The following FMN1 variants were observed in gnomAD, a reference collection of about 807,000 sequenced individuals.
FMN1 encodes formin-1.
A neutral mutation model predicts 132.4 loss-of-function variants in FMN1; 110 were observed. That is an observed-to-expected ratio of 0.83 (90% CI 0.71 to 0.97). FMN1 has a LOEUF of 0.97. FMN1 is among the 50% of genes least tolerant of loss of function. The pLI is 0.00. For missense variants in FMN1, 1,792 were observed against 1,705.3 expected (o/e 1.05, Z -0.90); for synonymous variants, 722 against 651.7 (o/e 1.11, Z -1.64).
intron 2 of FMN1, among the ~76,000 whole-genome samples, chr15:33,184,611 C>T (rs1177286937): frequency 2.0e-5 from 3 of 151,398 alleles, no homozygotes; most frequent in Non-Finnish European, 4.4e-5. Context: ...TCAAGCAATT[C>T]TTGTGCCTCA....
At position 32,879,595 on chromosome 15, in the gene FMN1, C is replaced by T. The variant is rs1394842863; in HGVS notation, c.3835+8577G>A. On this transcript the variant is annotated intron_variant, in intron 16 of 20. Transcript: ENST00000616417. ...CCTCACACCTCCTGAGGTACTTCCT[C>T]AGGCATCGCCTCATCTGACCCTTTC... Among the ~76,000 whole-genome samples, 11 of 152,172 alleles carry T rather than the reference C, an allele frequency of 7.2e-5. 1 individual carries two copies. The highest frequency in any genetic ancestry group is 7.2e-4 in the Admixed American group (11 of 15,276).
chr15:33,007,900 G>GAT (rs1281862321), intron 7 of FMN1, 114 bp downstream of exon 7: 3 of 793,486 alleles, frequency 3.8e-6, no homozygotes, highest in Non-Finnish European at 6.0e-6. Flanking sequence ...GCAGCTGCAA[G>GAT]ATGCGATGCT....
intron 17 of FMN1, among the ~76,000 whole-genome samples, chr15:32,821,799 C>T (rs1283763471): frequency 6.6e-6 from 1 of 152,044 alleles, no homozygotes; most frequent in African/African-American, 2.4e-5. Flanking sequence ...AGGTTATCTA[C>T]AGCTTATTAT....
chr15:32,922,841 G>T (rs1022250356), intron 10 of FMN1, among the ~76,000 whole-genome samples: 1 of 152,160 alleles, frequency 6.6e-6, no homozygotes, highest in Non-Finnish European at 1.5e-5. Context: ...ACCTGTTTAT[G>T]CCTGTTTCTT....
chr15:33,017,426 C>CTG (rs111345051), intron 6 of FMN1, among the ~76,000 whole-genome samples: 91,802 of 151,724 alleles, frequency 0.61, 28,184 homozygotes, highest in Admixed American at 0.66. Context: ...AGAGGGAACT[C>CTG]TACTTTCCGC....
At chr15:33,026,744 G>C (rs892829772) in intron 6 of FMN1, among the ~76,000 whole-genome samples, 9 of 151,958 alleles carry the variant, frequency 5.9e-5, no homozygotes, top group African/African-American at 2.2e-4. Flanking sequence ...TCTCTTAAGA[G>C]GCAGGTGAAA....
intron 17 of FMN1, among the ~76,000 whole-genome samples, chr15:32,833,483 T>C (rs2058550868): frequency 6.6e-6 from 1 of 152,088 alleles, no homozygotes; most frequent in South Asian, 2.1e-4. Context: ...ACCCCCATGA[T>C]CTAATAAGCC....
chr15:32,834,874 C>T (rs1477109722), intron 17 of FMN1, among the ~76,000 whole-genome samples: 2 of 152,186 alleles, frequency 1.3e-5, no homozygotes, highest in Non-Finnish European at 1.5e-5. Context: ...ATATTCACCA[C>T]ACAGAGAAAT....
intron 7 of FMN1, among the ~76,000 whole-genome samples, chr15:33,004,268 G>A (rs1164029248): frequency 6.6e-6 from 1 of 152,154 alleles, no homozygotes; most frequent in Non-Finnish European, 1.5e-5. Context: ...CCTACAGAAT[G>A]GGAGAAAATT....
At chr15:32,943,485 G>T (rs2061441169) in intron 9 of FMN1, among the ~76,000 whole-genome samples, 1 of 152,202 alleles carries the variant, frequency 6.6e-6, no homozygotes, top group African/African-American at 2.4e-5. Flanking sequence ...AAGTCAGCTT[G>T]TCTTAGTAAC....
intron 6 of FMN1, among the ~76,000 whole-genome samples, chr15:33,016,779 T>A (rs1193175465): frequency 6.6e-6 from 1 of 152,164 alleles, no homozygotes; most frequent in Non-Finnish European, 1.5e-5. Context: ...TTCCCCGGTG[T>A]CCCACACACC....
intron 8 of FMN1, among the ~76,000 whole-genome samples, chr15:32,966,673 T>C (rs910848898): frequency 1.3e-5 from 2 of 152,168 alleles, no homozygotes; most frequent in Non-Finnish European, 2.9e-5. Flanking sequence ...GCAATTTAGG[T>C]AGATGAGAGG....
At chr15:33,182,206 G>A (rs1595609811) in intron 2 of FMN1, among the ~76,000 whole-genome samples, 2 of 152,314 alleles carry the variant, frequency 1.3e-5, no homozygotes, top group Non-Finnish European at 2.9e-5. Context: ...GAGCCTTCAA[G>A]TCTAGGGTCA....
intron 4 of FMN1, among the ~76,000 whole-genome samples, chr15:33,117,639 G>A (rs1595509509): frequency 6.7e-6 from 1 of 150,134 alleles, no homozygotes; most frequent in South Asian, 2.1e-4. Flanking sequence ...TTTAACAAAT[G>A]TTTTGCAGTG....
rs927513088 is a variant in FMN1, at chr15:32,825,367, C to T, written c.3929-21035G>A. Among the ~76,000 whole-genome samples the T allele has an allele frequency of 4.6e-5, 7 of 152,318 alleles. No individual in the cohort carries two copies. The South Asian group carries it at 6.2e-4, about 14-fold the overall frequency. ...GGTCTGCCCTAGTTCTAGTTGTATT[C>T]GCCCATCTTAATCTCTCAGTATGCC... On this transcript the variant is annotated intron_variant, in intron 17 of 20. Coordinates refer to ENST00000616417, the MANE Select transcript of FMN1 (RefSeq NM_001277313.2).
At chr15:33,014,026 T>G (rs2034892807) in intron 6 of FMN1, among the ~76,000 whole-genome samples, 1 of 152,152 alleles carries the variant, frequency 6.6e-6, no homozygotes. Flanking sequence ...TCTCCTCCTT[T>G]AACAAATATT....
chr15:33,153,489 G>A lies in FMN1; in HGVS notation c.1426C>T (p.His476Tyr). ...GHKSLFLDLP[H>Y]KVGPDSSQPR... The stretch of plus-strand genomic sequence containing the variant: ...TGTGAGGAGTCAGGACCTACTTTGT[G>A]GGGCAGATCCAGAAACAAGGACTTG... Residue 476 changes from histidine to tyrosine, a missense_variant, in exon 4 of 21, where the codon CAC (histidine) becomes TAC (tyrosine). By Grantham distance (83) the His-to-Tyr change is moderately conservative. Coordinates refer to ENST00000616417, the MANE Select transcript of FMN1 (RefSeq NM_001277313.2). The A allele has an allele frequency of 6.5e-7, 1 of 1,536,598 alleles. No individual in the cohort carries two copies. The highest frequency in any genetic ancestry group is 1.4e-5 in the African/African-American group (1 of 73,188).
intron 15 of FMN1, among the ~76,000 whole-genome samples, chr15:32,890,629 G>A (rs1444035113): frequency 6.6e-6 from 1 of 151,064 alleles, no homozygotes; most frequent in Admixed American, 6.6e-5. Context: ...TTTTCTTACT[G>A]ATTTGAGTTC....
intron 7 of FMN1, among the ~76,000 whole-genome samples, chr15:32,994,033 C>A (rs779647811): frequency 6.6e-6 from 1 of 152,054 alleles, no homozygotes; most frequent in African/African-American, 2.4e-5. Context: ...ATGTACAAGA[C>A]CCTTCCAGAA....
Sources: gnomAD v4.1 joint callset for allele counts (sites outside exome capture counted in the v4.1 genomes callset) on GRCh38, gnomAD v4.1.1 for gene constraint, MANE v1.5 for transcripts, NCBI Gene and HGNC (gene_info 2026-07-23, HGNC 2026-07-21) for gene names.